The following PRDM15 variants were observed in gnomAD, a reference collection of about 807,000 sequenced individuals.
PRDM15 encodes PR domain zinc finger protein 15.
Under a neutral mutation model 128.6 loss-of-function variants are expected in PRDM15, and 64 were observed. The ratio of observed to expected loss-of-function variants is 0.50; its 90% CI spans 0.41 to 0.61. PRDM15 has a LOEUF of 0.61. PRDM15 is among the 20% of genes least tolerant of loss of function. PRDM15 has a pLI of 0.00. For missense variants in PRDM15, 1,242 were observed against 1,569.1 expected, an observed-to-expected ratio of 0.79 and a Z score of 3.52; for synonymous variants, 615 against 621.8, an observed-to-expected ratio of 0.99 and a Z score of 0.16.
intron 13 of PRDM15, among the ~76,000 whole-genome samples, chr21:41,823,667 T>C (rs1206582635): frequency 6.6e-6 from 1 of 152,250 alleles, no homozygotes; most frequent in East Asian, 1.9e-4. Flanking sequence ...GTGCTTACGT[T>C]ACAATAGAAA....
At chr21:41,863,798 G>C (rs1164400831) in intron 1 of PRDM15, among the ~76,000 whole-genome samples, 1 of 151,760 alleles carries the variant, frequency 6.6e-6, no homozygotes, top group Non-Finnish European at 1.5e-5. Context: ...GAAATCAATG[G>C]AACAAAACAG....
At chr21:41,806,028 C>T (rs1289209525) in intron 21 of PRDM15, among the ~76,000 whole-genome samples, 1 of 63,362 alleles carries the variant, frequency 1.6e-5, no homozygotes, top group African/African-American at 5.2e-5. Context: ...TCACCACCAC[C>T]ACCATCACCA....
intron 18 of PRDM15, 97 bp downstream of exon 18, chr21:41,819,485 T>A: frequency 1.5e-5 from 10 of 648,856 alleles, no homozygotes; most frequent in East Asian, 6.4e-5. Context: ...ACACCCACCT[T>A]CCCCACACTC....
At position 41,828,766 on chromosome 21, in the gene PRDM15, C is replaced by A. The variant is rs913948401; in HGVS notation, c.1367-433G>T. On this transcript the variant is annotated intron_variant, in intron 11 of 23. Coordinates refer to ENST00000398548, the MANE Select transcript of PRDM15 (RefSeq NM_001040424.3). The surrounding 1 kb of genome is among the most constrained non-coding windows in gnomAD (Gnocchi z 5.7). The stretch of plus-strand genomic sequence containing the variant: ...CCAACCACCCGAGCAACTGACCACC[C>A]GACCAATGTGGCCGCCCCTGCCCCC... Among the ~76,000 whole-genome samples, 12 of 150,836 alleles carry A rather than the reference C, an allele frequency of 8.0e-5. No individual in the cohort carries two copies. The highest frequency in any genetic ancestry group is 1.6e-4 in the Non-Finnish European group (11 of 67,600).
chr21:41,853,464 A>G (rs374767147), intron 5 of PRDM15, among the ~76,000 whole-genome samples: 13 of 152,268 alleles, frequency 8.5e-5, no homozygotes, highest in African/African-American at 2.4e-4. Flanking sequence ...ATTAAATAAC[A>G]TTTGCTCCCC....
At chr21:41,846,521 C>G (rs951998899) in intron 6 of PRDM15, among the ~76,000 whole-genome samples, 1 of 152,274 alleles carries the variant, frequency 6.6e-6, no homozygotes. Context: ...TGGGTGAAAC[C>G]CTGTCTCTAC....
intron 5 of PRDM15, among the ~76,000 whole-genome samples, chr21:41,850,847 G>GT (rs2063407298): frequency 6.6e-6 from 1 of 152,202 alleles, no homozygotes; most frequent in African/African-American, 2.4e-5. Flanking sequence ...CAAAACCAAA[G>GT]TTTTCTCTGT....
At chr21:41,878,799 C>G (rs1339877438) in intron 1 of PRDM15, 1 of 1,271,342 alleles carries the variant, frequency 7.9e-7, no homozygotes, top group Admixed American at 3.5e-5. Flanking sequence ...CCCCTGGGGC[C>G]TCGGCGACGA....
At chr21:41,805,931 C>A (rs1286500746) in intron 21 of PRDM15, among the ~76,000 whole-genome samples, 1 of 150,980 alleles carries the variant, frequency 6.6e-6, no homozygotes, top group African/African-American at 2.4e-5. Flanking sequence ...TCACCACCAT[C>A]ATCAGTACCA....
rs190729019 is a variant in PRDM15 at position 41,827,526 on chromosome 21, G to A, written c.1534+640C>T. 3.7e-4 allele frequency among the ~76,000 whole-genome samples: 56 copies of A among 152,060 alleles called. 2 individuals carry two copies. Among genetic ancestry groups the A allele is most frequent in the Admixed American group, 2.4e-3 (37 of 15,268 alleles). ...CACCATGCCCAGCTAATTTTTTGTA[G>A]AAGCAGAGCCTCGCTATGTTGCCTG... is the stretch of plus-strand genomic sequence containing the variant. On this transcript the variant is annotated intron_variant, in intron 12 of 23. Coordinates refer to ENST00000398548, the MANE Select transcript of PRDM15 (RefSeq NM_001040424.3).
chr21:41,874,575 G>A lies in PRDM15; in HGVS notation c.-10+4695C>T, dbSNP rs546742380. Among the ~76,000 whole-genome samples, 12 of 138,300 alleles carry A rather than the reference G, an allele frequency of 8.7e-5. No individual in the cohort carries two copies. In the South Asian group the frequency reaches 2.5e-3, roughly 29 times the overall value. The allele number at this position is 138,300 out of a possible 152,430, so 90.7% of individuals were successfully genotyped here. ...AAAAGGCCAGAGGCCAGAGGGTTAC[G>A]AGACACCTGAAACACCCCTTCTCAA... On this transcript the variant is annotated intron_variant, in intron 1 of 23. Coordinates refer to ENST00000398548, the MANE Select transcript of PRDM15 (RefSeq NM_001040424.3).
intron 4 of PRDM15, 116 bp downstream of exon 4, chr21:41,857,060 C>T: frequency 1.1e-6 from 1 of 878,308 alleles, no homozygotes; most frequent in Non-Finnish European, 1.8e-6. Flanking sequence ...ATATTTGGAG[C>T]TGTTTTTGAG....
At chr21:41,806,970 C>A (rs2061699311) in intron 21 of PRDM15, among the ~76,000 whole-genome samples, 1 of 151,634 alleles carries the variant, frequency 6.6e-6, no homozygotes, top group Non-Finnish European at 1.5e-5. Flanking sequence ...TCATCACCAC[C>A]ATCAACACCA....
chr21:41,848,128 G>C (rs185592413), intron 5 of PRDM15, among the ~76,000 whole-genome samples: 8 of 152,182 alleles, frequency 5.3e-5, no homozygotes, highest in Non-Finnish European at 1.0e-4. Flanking sequence ...CATCACCCAC[G>C]GCAAACTCCA....
chr21:41,810,586 C>A lies in PRDM15; in HGVS notation c.2476+167G>T. On this transcript the variant is annotated intron_variant, in intron 20 of 23. Transcript: ENST00000398548. The surrounding 1 kb of genome is among the most constrained non-coding windows in gnomAD (Gnocchi z 6.4). ...AAGAAGGGATACTTGAAAGCTGTGG[C>A]GGGTTGACCTTCAGAGGCCAAGGGG... is the stretch of plus-strand genomic sequence containing the variant. The A allele has an allele frequency of 1.5e-6, 1 of 645,678 alleles. No individual in the cohort carries two copies. Among genetic ancestry groups the A allele is most frequent in the Non-Finnish European group, 2.7e-6 (1 of 374,794 alleles). 40.0% of individuals were successfully genotyped at this position (645,678 alleles called of 1,614,324 possible).
At chr21:41,815,932 C>T (rs1458010506) in intron 18 of PRDM15, 96 bp from the exon 19 acceptor site, 12 of 1,495,650 alleles carry the variant, frequency 8.0e-6, no homozygotes, top group South Asian at 1.2e-5. Flanking sequence ...GGCAGCGGCC[C>T]GTGCGGTACT....
chr21:41,810,307 G>T lies in PRDM15; in HGVS notation c.2499C>A (p.Ser833=). The change falls in exon 21 of 24, where the codon TCC becomes TCA. Residue 833 remains serine, a synonymous_variant. Transcript: ENST00000398548. The surrounding 1 kb of genome is among the most constrained non-coding windows in gnomAD (Gnocchi z 6.4). The part of the protein sequence containing the change: ...IHTVGKQWTC[S]VCDKKYVTEY... Reference sequence around the variant, plus strand: ...CGGTCACGTACTTCTTGTCGCACACGGAGCACGTCCACTGCTTGCCCACTT... The same window carrying T: ...CGGTCACGTACTTCTTGTCGCACACTGAGCACGTCCACTGCTTGCCCACTT... The T allele has an allele frequency of 6.2e-7, 1 of 1,613,300 alleles. No homozygotes were observed. The highest frequency in any genetic ancestry group is 1.3e-5 in the African/African-American group (1 of 74,994).
chr21:41,854,698 G>T lies in PRDM15; in HGVS notation c.406C>A (p.His136Asn). The T allele has an allele frequency of 6.2e-7, 1 of 1,613,542 alleles. No homozygotes were observed. Among genetic ancestry groups the T allele is most frequent in the South Asian group, 1.1e-5 (1 of 91,084 alleles). ...GTGGTGAAGTACACGTCGCTGCCGT[G>T]CTGGTAGGCCGTCAGGTTCTGGTGC... ...AEHQNLTAYQ[H>N]GSDVYFTTSR... Residue 136 changes from histidine to asparagine, a missense_variant, in exon 5 of 24, where the codon CAC becomes AAC. Physicochemically the swap from His to Asn is moderately conservative, Grantham distance 68 (BLOSUM62 1). This residue lies in a region of PRDM15 where 612 missense variants were observed against 717.0 expected (regional missense o/e 0.85). Coordinates refer to ENST00000398548, the MANE Select transcript of PRDM15 (RefSeq NM_001040424.3). The surrounding 1 kb of genome is among the most constrained non-coding windows in gnomAD (Gnocchi z 4.6).
intron 6 of PRDM15, among the ~76,000 whole-genome samples, chr21:41,842,424 T>A (rs542863132): frequency 2.6e-4 from 40 of 152,352 alleles, no homozygotes; most frequent in African/African-American, 9.1e-4. Context: ...AAATCAATAA[T>A]CAGTGTATTC....
Sources: allele counts gnomAD v4.1 joint callset (sites outside exome capture counted in the v4.1 genomes callset), GRCh38; gene constraint gnomAD v4.1.1; regional missense constraint gnomAD v4.1.1; non-coding constraint Gnocchi (gnomAD v3.1); transcripts MANE v1.5; gene names NCBI Gene and HGNC (gene_info 2026-07-23, HGNC 2026-07-21).